Variants in GREB1L observed in about 807,000 individuals in gnomAD.
The protein encoded by GREB1L is GREB1 like retinoic acid receptor coactivator.
A neutral mutation model predicts 200.8 loss-of-function variants in GREB1L; 17 were observed. The observed-to-expected ratio is 0.08, with a 90% confidence interval of 0.06 to 0.13. GREB1L has a LOEUF of 0.13. Ranked by LOEUF, GREB1L falls within the 10% of genes least tolerant of loss-of-function variation. The pLI is 1.00. For missense variants in GREB1L, 1,657 were observed against 2,367.7 expected (o/e 0.70, Z 6.23); for synonymous variants, 789 against 893.0 (o/e 0.88, Z 2.08).
chr18:21,286,121 A>G (rs2038352114), intron 1 of GREB1L, among the ~76,000 whole-genome samples: 1 of 152,246 alleles, frequency 6.6e-6, no homozygotes, highest in Non-Finnish European at 1.5e-5. Context: ...TCAATATTAG[A>G]TTAAACAGGC....
intron 1 of GREB1L, among the ~76,000 whole-genome samples, chr18:21,256,246 A>G (rs539536777): frequency 6.6e-6 from 1 of 152,320 alleles, no homozygotes; most frequent in East Asian, 1.9e-4. Context: ...GTTCTTCTCC[A>G]GATTAACTAG....
chr18:21,503,680 G>A (rs1359591808), intron 23 of GREB1L, among the ~76,000 whole-genome samples: 10 of 151,248 alleles, frequency 6.6e-5, no homozygotes, highest in Non-Finnish European at 1.3e-4. Flanking sequence ...AGGTTCAGGC[G>A]ATTCTCCTGC....
At chr18:21,377,426 CTTAG>C (rs924634948) in intron 2 of GREB1L, among the ~76,000 whole-genome samples, 6 of 152,148 alleles carry the variant, frequency 3.9e-5, no homozygotes, top group Non-Finnish European at 8.8e-5. Context: ...TGAAAGGTTT[CTTAG>C]TTAATAATTA....
chr18:21,401,275 G>T lies in GREB1L; in HGVS notation c.658G>T (p.Val220Phe). The T allele has an allele frequency of 3.9e-6, 6 of 1,551,748 alleles. No homozygotes were observed. Among genetic ancestry groups the T allele is most frequent in the Non-Finnish European group, 5.2e-6 (6 of 1,146,960 alleles). Residue 220 changes from valine to phenylalanine, a missense_variant, in exon 6 of 33, where the codon GTC becomes TTC. Coordinates refer to ENST00000424526, the MANE Select transcript of GREB1L (RefSeq NM_001142966.3). ...GCAGAAGCACTTAAAGTACTACCTAGTCAGAAGCTCCCAGGGTGTACTGTC... is the reference window on the plus strand; with the variant it reads ...GCAGAAGCACTTAAAGTACTACCTATTCAGAAGCTCCCAGGGTGTACTGTC... ...KKQKHLKYYLVRSSQGVLSKG... is the reference protein window; with the variant it reads ...KKQKHLKYYLFRSSQGVLSKG...
At chr18:21,452,841 G>A (rs557501050) in intron 14 of GREB1L, among the ~76,000 whole-genome samples, 1 of 152,294 alleles carries the variant, frequency 6.6e-6, no homozygotes, top group South Asian at 2.1e-4. Flanking sequence ...CAGGAGAAAG[G>A]ATAGTTGGGA....
intron 27 of GREB1L, among the ~76,000 whole-genome samples, chr18:21,512,880 T>G (rs1366644290): frequency 1.3e-5 from 2 of 152,212 alleles, no homozygotes; most frequent in Admixed American, 1.3e-4. Context: ...AAATCCCAGT[T>G]TTACCCTTGA....
chr18:21,364,836 CTTTTTTT>C (rs113605319), intron 1 of GREB1L, among the ~76,000 whole-genome samples: 10 of 141,708 alleles, frequency 7.1e-5, no homozygotes, highest in African/African-American at 2.5e-4. Flanking sequence ...AGATTACTGA[CTTTTTTT>C]TTTTTTTTAA....
At chr18:21,507,482 GA>G (rs1189306123) in intron 25 of GREB1L, among the ~76,000 whole-genome samples, 1 of 152,202 alleles carries the variant, frequency 6.6e-6, no homozygotes, top group African/African-American at 2.4e-5. Context: ...TTAAAAGCGT[GA>G]AAAGACCTAT....
At chr18:21,381,115 G>A (rs1372779690) in intron 2 of GREB1L, among the ~76,000 whole-genome samples, 3 of 152,086 alleles carry the variant, frequency 2.0e-5, no homozygotes, top group South Asian at 2.1e-4. Context: ...AGTGGCGGGC[G>A]CCTGTAGCCG....
chr18:21,525,532 C>T lies in GREB1L; in HGVS notation c.*2711C>T, dbSNP rs999496340. The stretch of plus-strand genomic sequence containing the variant: ...GTCAGTCACATTATAGGTTGGACAA[C>T]CAAGATTAAAGAGGTGTTGAAAACA... On this transcript the variant is annotated 3_prime_UTR_variant, in exon 33 of 33. Coordinates refer to ENST00000424526, the MANE Select transcript of GREB1L (RefSeq NM_001142966.3). 14 of 152,024 alleles carry T rather than the reference C, an allele frequency of 9.2e-5. No homozygotes were observed. Among genetic ancestry groups the T allele is most frequent in the African/African-American group, 3.4e-4 (14 of 41,374 alleles). The allele number at this position is 152,024 out of a possible 1,614,324, so 9.4% of individuals were successfully genotyped here.
chr18:21,443,728 G>A (rs989453738), intron 10 of GREB1L, among the ~76,000 whole-genome samples: 4 of 152,196 alleles, frequency 2.6e-5, no homozygotes, highest in East Asian at 3.9e-4. Flanking sequence ...TCCAGGCCCC[G>A]TCCCATATCA....
intron 6 of GREB1L, 150 bp downstream of exon 6, chr18:21,401,476 A>G (rs1162682362): frequency 3.2e-6 from 2 of 623,250 alleles, no homozygotes; most frequent in African/African-American, 3.7e-5. Flanking sequence ...CTGGTAGGTT[A>G]TTTGACTTGC....
intron 1 of GREB1L, among the ~76,000 whole-genome samples, chr18:21,247,861 G>C (rs1373654311): frequency 1.3e-5 from 2 of 152,168 alleles, no homozygotes; most frequent in Non-Finnish European, 2.9e-5. Context: ...GTTACATGCA[G>C]ATTCTTGGGG....
intron 1 of GREB1L, among the ~76,000 whole-genome samples, chr18:21,330,599 A>G (rs2039093192): frequency 6.6e-6 from 1 of 152,172 alleles, no homozygotes; most frequent in African/African-American, 2.4e-5. Context: ...GCTCTGACTC[A>G]TTAGTCCCAC....
chr18:21,374,830 G>A (rs1309755204), intron 2 of GREB1L, among the ~76,000 whole-genome samples: 1 of 150,718 alleles, frequency 6.6e-6, no homozygotes, highest in Non-Finnish European at 1.5e-5. Context: ...TTAATCAAAA[G>A]GGGAACTTTT....
At chr18:21,508,712 T>G in intron 27 of GREB1L, 121 bp downstream of exon 27, 1 of 459,304 alleles carries the variant, frequency 2.2e-6, no homozygotes, top group Non-Finnish European at 3.8e-6. Context: ...TCACCACTCT[T>G]CGGAAAAAAA....
chr18:21,367,471 AGGG>A (rs1272041207), intron 2 of GREB1L, among the ~76,000 whole-genome samples: 1 of 152,118 alleles, frequency 6.6e-6, no homozygotes, highest in Non-Finnish European at 1.5e-5. Context: ...GTGGGGAGTG[AGGG>A]AGGGTGGACG....
At chr18:21,258,011 A>G (rs1246624457) in intron 1 of GREB1L, among the ~76,000 whole-genome samples, 1 of 152,156 alleles carries the variant, frequency 6.6e-6, no homozygotes, top group Non-Finnish European at 1.5e-5. Flanking sequence ...TTCAAATCTC[A>G]GTCTGGCTGA....
At chr18:21,251,762 T>C (rs2037708494) in intron 1 of GREB1L, among the ~76,000 whole-genome samples, 1 of 152,116 alleles carries the variant, frequency 6.6e-6, no homozygotes, top group Non-Finnish European at 1.5e-5. Context: ...CTGACCAACA[T>C]GGTGAAACCC....
Sources: gnomAD v4.1 joint callset for allele counts (sites outside exome capture counted in the v4.1 genomes callset) on GRCh38, gnomAD v4.1.1 for gene constraint, MANE v1.5 for transcripts, NCBI Gene and HGNC (gene_info 2026-07-23, HGNC 2026-07-21) for gene names.